ERC2: variants seen among roughly 807,000 people sequenced by gnomAD.
ERC2 encodes ELKS/RAB6-interacting/CAST family member 2, also known as ERC protein 2.
A neutral mutation model predicts 114.8 loss-of-function variants in ERC2; 42 were observed. The ratio of observed to expected loss-of-function variants is 0.37; its 90% CI spans 0.29 to 0.47. The LOEUF (loss-of-function observed/expected upper bound fraction) is 0.47. ERC2 is among the 20% of genes least tolerant of loss of function. The pLI is 0.99. For missense variants in ERC2, 939 were observed against 1,150.7 expected (o/e 0.82, Z 2.66); for synonymous variants, 454 against 425.5 (o/e 1.07, Z -0.82).
At chr3:56,016,686 G>A (rs1045066053) in intron 8 of ERC2, among the ~76,000 whole-genome samples, 2 of 151,978 alleles carry the variant, frequency 1.3e-5, no homozygotes, top group Non-Finnish European at 2.9e-5. Flanking sequence ...GCCTCCTTTA[G>A]GATACACTGG....
At chr3:56,284,054 G>T (rs1226028147) in intron 3 of ERC2, among the ~76,000 whole-genome samples, 1 of 152,214 alleles carries the variant, frequency 6.6e-6, no homozygotes, top group Non-Finnish European at 1.5e-5. Context: ...CACACTGGCA[G>T]TTGAAATCTT....
intron 6 of ERC2, among the ~76,000 whole-genome samples, chr3:56,114,320 G>A (rs2079117064): frequency 6.6e-6 from 1 of 152,196 alleles, no homozygotes; most frequent in African/African-American, 2.4e-5. Flanking sequence ...GAAGTCCATG[G>A]TCAGTGGTCT....
chr3:56,224,973 G>C (rs2050155217), intron 3 of ERC2, among the ~76,000 whole-genome samples: 1 of 152,062 alleles, frequency 6.6e-6, no homozygotes, highest in Non-Finnish European at 1.5e-5. Context: ...TCTGATAAGA[G>C]GGGACCTGCT....
intron 3 of ERC2, among the ~76,000 whole-genome samples, chr3:56,207,335 CA>C (rs2048801498): frequency 6.6e-6 from 1 of 151,960 alleles, no homozygotes; most frequent in South Asian, 2.1e-4. Flanking sequence ...TGCCCTTACC[CA>C]CACATTATAG....
chr3:55,835,941 C>G (rs1318289065), intron 14 of ERC2, among the ~76,000 whole-genome samples: 3 of 151,496 alleles, frequency 2.0e-5, no homozygotes, highest in Admixed American at 6.6e-5. Context: ...AAATCACAAG[C>G]ATTCTTATAC....
chr3:56,320,200 G>C (rs2057063958), intron 2 of ERC2, among the ~76,000 whole-genome samples: 1 of 152,074 alleles, frequency 6.6e-6, no homozygotes, highest in African/African-American at 2.4e-5. Context: ...GTTTTGAAGA[G>C]ATTTCAAAAA....
chr3:56,403,299 T>C (rs1486579871), intron 2 of ERC2, among the ~76,000 whole-genome samples: 2 of 152,258 alleles, frequency 1.3e-5, no homozygotes, highest in Non-Finnish European at 2.9e-5. Flanking sequence ...ATAGTTTCAG[T>C]TGTATCCTCT....
chr3:56,250,460 C>A (rs2052067424), intron 3 of ERC2, among the ~76,000 whole-genome samples: 1 of 152,190 alleles, frequency 6.6e-6, no homozygotes, highest in Non-Finnish European at 1.5e-5. Flanking sequence ...GGAATAAGAT[C>A]TAAGAGGGCT....
chr3:56,249,472 C>T (rs998816655), intron 3 of ERC2, among the ~76,000 whole-genome samples: 3 of 151,998 alleles, frequency 2.0e-5, no homozygotes, highest in Non-Finnish European at 4.4e-5. Context: ...ACTACAGGCG[C>T]CCGCCACCAC....
chr3:55,919,603 A>G (rs1348048250), intron 13 of ERC2, among the ~76,000 whole-genome samples: 4 of 152,192 alleles, frequency 2.6e-5, no homozygotes, highest in Admixed American at 1.3e-4. Context: ...TTCAACGAAC[A>G]TGTATTCTAG....
At chr3:56,039,570 C>T (rs2075008159) in intron 7 of ERC2, among the ~76,000 whole-genome samples, 1 of 152,064 alleles carries the variant, frequency 6.6e-6, no homozygotes, top group Admixed American at 6.6e-5. Flanking sequence ...CTCCATACTA[C>T]CCAAAGCATT....
chr3:56,116,430 T>C (rs945274753), intron 6 of ERC2, among the ~76,000 whole-genome samples: 1 of 152,214 alleles, frequency 6.6e-6, no homozygotes, highest in Non-Finnish European at 1.5e-5. Flanking sequence ...GAGAACAGAA[T>C]AGCAAGCCTT....
At chr3:56,371,900 T>C (rs954405488) in intron 2 of ERC2, among the ~76,000 whole-genome samples, 2 of 152,214 alleles carry the variant, frequency 1.3e-5, no homozygotes, top group Non-Finnish European at 1.5e-5. Flanking sequence ...AATATTACCA[T>C]CTTCTGTATA....
chr3:56,464,112 C>G (rs1471451658), intron 1 of ERC2, among the ~76,000 whole-genome samples: 1 of 152,024 alleles, frequency 6.6e-6, no homozygotes, highest in African/African-American at 2.4e-5. Context: ...TTGCATTCCC[C>G]AAGAAAAAGA....
intron 17 of ERC2, among the ~76,000 whole-genome samples, chr3:55,541,600 T>C (rs1003337136): frequency 6.6e-6 from 1 of 152,240 alleles, no homozygotes; most frequent in Admixed American, 6.5e-5. Context: ...GGAAAGTTCA[T>C]GGGAAGGTTT....
rs115667771 is a variant in ERC2 at position 56,452,026 on chromosome 3, G to T, written c.-141+16222C>A. Among the ~76,000 whole-genome samples, 682 of 152,304 alleles carry T rather than the reference G, an allele frequency of 4.5e-3. 6 individuals carry two copies. The highest frequency in any genetic ancestry group is 0.016 in the African/African-American group (653 of 41,554). On this transcript the variant is annotated intron_variant, in intron 1 of 17. Coordinates refer to ENST00000288221, the MANE Select transcript of ERC2 (RefSeq NM_015576.3). ...TTTTTTAACCTGGACAAGAACTAAG[G>T]AGGGAAGTCAGATCCATAGTTATGC...
chr3:55,833,601 T>C (rs2149194510), intron 14 of ERC2, among the ~76,000 whole-genome samples: 1 of 152,268 alleles, frequency 6.6e-6, no homozygotes, highest in African/African-American at 2.4e-5. Flanking sequence ...AAAGAGCTCC[T>C]GAAGGAAGCA....
At chr3:56,462,754 G>T (rs1056204172) in intron 1 of ERC2, among the ~76,000 whole-genome samples, 1 of 152,180 alleles carries the variant, frequency 6.6e-6, no homozygotes, top group South Asian at 2.1e-4. Flanking sequence ...GTTTTCTTGA[G>T]AAGGTATGTA....
intron 13 of ERC2, among the ~76,000 whole-genome samples, chr3:55,926,628 T>G (rs191088749): frequency 6.6e-6 from 1 of 152,140 alleles, no homozygotes; most frequent in Admixed American, 6.5e-5. Flanking sequence ...ACTAGCAAAC[T>G]GCATTCCGTG....
Sources: allele counts gnomAD v4.1 joint callset (sites outside exome capture counted in the v4.1 genomes callset), GRCh38; gene constraint gnomAD v4.1.1; transcripts MANE v1.5; gene names NCBI Gene and HGNC (gene_info 2026-07-23, HGNC 2026-07-21).